The following TSPAN3 variants were observed in gnomAD, a reference collection of about 807,000 sequenced individuals.
TSPAN3 encodes tetraspanin 3.
A neutral mutation model predicts 31.1 loss-of-function variants in TSPAN3; 9 were observed. The ratio of observed to expected loss-of-function variants is 0.29; its 90% CI spans 0.17 to 0.50. The LOEUF is 0.50. Ranked by LOEUF, TSPAN3 falls within the 20% of genes least tolerant of loss-of-function variation. The probability of loss-of-function intolerance (pLI) is 0.98; values close to 1 mark genes in which losing one functional copy is unlikely to be tolerated. For synonymous variants in TSPAN3, 129 were observed against 114.3 expected (o/e 1.13, Z -0.82); for missense variants, 252 against 313.5 (o/e 0.80, Z 1.48).
chr15:77,067,469 A>C (rs2076840172), intron 1 of TSPAN3, among the ~76,000 whole-genome samples: 1 of 152,228 alleles, frequency 6.6e-6, no homozygotes, highest in South Asian at 2.1e-4. Flanking sequence ...TTGCCAAAGC[A>C]ATTAAACTTT....
intron 1 of TSPAN3, chr15:77,068,457 G>A (rs190482080): frequency 1.1e-3 from 161 of 152,248 alleles, no homozygotes; most frequent in African/African-American, 3.4e-3. Flanking sequence ...CTAATTTAAA[G>A]AAAATGGTTA....
At chr15:77,065,489 C>T (rs146559089) in intron 1 of TSPAN3, among the ~76,000 whole-genome samples, 16 of 152,232 alleles carry the variant, frequency 1.1e-4, no homozygotes, top group Non-Finnish European at 1.9e-4. Context: ...TGCAGTGGCT[C>T]GATCGCCGCT....
chr15:77,056,306 T>C (rs1208071065), intron 1 of TSPAN3, 51 bp from the exon 2 acceptor site: 1 of 1,432,032 alleles, frequency 7.0e-7, no homozygotes, highest in East Asian at 2.4e-5. Flanking sequence ...GGTAAAAATT[T>C]CCTATTATTG....
intron 6 of TSPAN3, 98 bp from the exon 7 acceptor site, chr15:77,047,025 T>C: frequency 4.5e-6 from 4 of 892,276 alleles, no homozygotes; most frequent in Non-Finnish European, 5.2e-6. Flanking sequence ...CAAAGTTCAA[T>C]GACTTCAAAT....
chr15:77,042,536 C>G lies in TSPAN3; in HGVS notation c.*4299G>C, dbSNP rs187533336. The G allele has an allele frequency of 6.6e-6, 1 of 152,052 alleles. No individual in the cohort carries two copies. Among genetic ancestry groups the G allele is most frequent in the Non-Finnish European group, 1.5e-5 (1 of 68,022 alleles). 9.4% of individuals were successfully genotyped at this position (152,052 alleles called of 1,614,324 possible). A position where few individuals can be genotyped will look rare whatever the true frequency, so the allele number is the denominator to read the frequency against. On this transcript the variant is annotated 3_prime_UTR_variant, in exon 7 of 7. Coordinates refer to ENST00000267970, the MANE Select transcript of TSPAN3 (RefSeq NM_005724.6). ...TCGAAGGGGCTCTCGCTGGCCAAGT[C>G]GGGAACTATCTGAGGAACTCTTCCC...
intron 6 of TSPAN3, 120 bp from the exon 7 acceptor site, chr15:77,047,047 C>G (rs2152694831): frequency 1.5e-6 from 1 of 673,860 alleles, no homozygotes; most frequent in South Asian, 1.8e-5. Flanking sequence ...ATCAAAAAGG[C>G]AGTAACAACA....
At chr15:77,056,835 C>A (rs921132360) in intron 1 of TSPAN3, among the ~76,000 whole-genome samples, 1 of 152,212 alleles carries the variant, frequency 6.6e-6, no homozygotes, top group Non-Finnish European at 1.5e-5. Context: ...AAGAACACTG[C>A]AAGTCCTCTA....
intron 1 of TSPAN3, among the ~76,000 whole-genome samples, chr15:77,059,725 C>A (rs976752453): frequency 6.6e-6 from 1 of 152,190 alleles, no homozygotes; most frequent in Non-Finnish European, 1.5e-5. Context: ...TGAAACTTCA[C>A]TAGCTTTAGC....
At chr15:77,064,199 GACTT>G (rs1404063307) in intron 1 of TSPAN3, 1 of 151,788 alleles carries the variant, frequency 6.6e-6, no homozygotes, top group African/African-American at 2.4e-5. Flanking sequence ...TTTCAATAAA[GACTT>G]ACTTGAGACC....
In TSPAN3 at chr15:77,054,286, C is replaced by T. The variant is rs754041303; in HGVS notation, c.331-7G>A. On this transcript the variant is annotated splice_polypyrimidine_tract_variant and splice_region_variant and intron_variant, in intron 3 of 6. Transcript: ENST00000267970. Reference sequence around the variant, plus strand: ...GATCAACCTCATTTTCCACCTGAATCAGAACAAAGAATTCAGTCCCTCAAA... The same window carrying T: ...GATCAACCTCATTTTCCACCTGAATTAGAACAAAGAATTCAGTCCCTCAAA... The T allele has an allele frequency of 3.7e-6, 6 of 1,600,370 alleles. No homozygotes were observed. The highest frequency in any genetic ancestry group is 5.1e-6 in the Non-Finnish European group (6 of 1,168,172).
chr15:77,052,935 G>A lies in TSPAN3; in HGVS notation c.433-6C>T. 6.2e-7 allele frequency: 1 copy of A among 1,611,724 alleles called. No homozygotes were observed. Among genetic ancestry groups the A allele is most frequent in the South Asian group, 1.1e-5 (1 of 90,754 alleles). On this transcript the variant is annotated splice_polypyrimidine_tract_variant and splice_region_variant and intron_variant, in intron 4 of 6. Transcript: ENST00000267970. Reference sequence around the variant, plus strand: ...TGAATTCCACAACAATGCAGCTAAAGGAGAAGAGAATAAGTATTATTTCTC... The same window carrying A: ...TGAATTCCACAACAATGCAGCTAAAAGAGAAGAGAATAAGTATTATTTCTC...
At chr15:77,061,191 G>A (rs1264027556) in intron 1 of TSPAN3, among the ~76,000 whole-genome samples, 5 of 152,150 alleles carry the variant, frequency 3.3e-5, no homozygotes, top group Middle Eastern at 3.4e-3. Flanking sequence ...GTTTTTGGGG[G>A]GGTAATTTTC....
intron 1 of TSPAN3, among the ~76,000 whole-genome samples, chr15:77,062,766 A>T (rs1016601865): frequency 6.6e-6 from 1 of 152,246 alleles, no homozygotes; most frequent in Non-Finnish European, 1.5e-5. Flanking sequence ...GAGATGTTGT[A>T]ATGAAATTGT....
chr15:77,056,380 A>T, intron 1 of TSPAN3, 125 bp from the exon 2 acceptor site: 1 of 665,114 alleles, frequency 1.5e-6, no homozygotes, highest in Non-Finnish European at 2.3e-6. Flanking sequence ...AGTAAAGCTG[A>T]AAATTCTATG....
intron 1 of TSPAN3, among the ~76,000 whole-genome samples, chr15:77,058,934 A>G (rs1217574370): frequency 6.6e-6 from 1 of 152,238 alleles, no homozygotes; most frequent in East Asian, 1.9e-4. Context: ...ATAAATATAA[A>G]CACTGTACTT....
intron 1 of TSPAN3, among the ~76,000 whole-genome samples, chr15:77,061,897 C>T (rs2076803044): frequency 6.6e-6 from 1 of 152,184 alleles, no homozygotes; most frequent in African/African-American, 2.4e-5. Context: ...CAAATTCTTG[C>T]TTGCCTGTGT....
intron 1 of TSPAN3, among the ~76,000 whole-genome samples, chr15:77,058,962 C>T (rs984526422): frequency 6.6e-6 from 1 of 152,162 alleles, no homozygotes; most frequent in Admixed American, 6.5e-5. Flanking sequence ...ACTGCCTGTT[C>T]AAAGGTTCTC....
chr15:77,057,880 C>T (rs1418395828), intron 1 of TSPAN3, among the ~76,000 whole-genome samples: 1 of 152,140 alleles, frequency 6.6e-6, no homozygotes, highest in Non-Finnish European at 1.5e-5. Flanking sequence ...AGAGACATGT[C>T]ATCCTCAACC....
intron 1 of TSPAN3, among the ~76,000 whole-genome samples, chr15:77,070,527 A>T (rs1252470764): frequency 4.6e-5 from 7 of 151,628 alleles, no homozygotes; most frequent in Non-Finnish European, 2.9e-5. Flanking sequence ...TCCTATTTCG[A>T]GCCCGACGTC....
Sources: gnomAD v4.1 joint callset for allele counts (sites outside exome capture counted in the v4.1 genomes callset) on GRCh38, gnomAD v4.1.1 for gene constraint, MANE v1.5 for transcripts, NCBI Gene and HGNC (gene_info 2026-07-23, HGNC 2026-07-21) for gene names.